SNX8: variants seen among roughly 807,000 people sequenced by gnomAD.
SNX8 encodes sorting nexin 8.
In SNX8, 25 loss-of-function variants were observed where a neutral mutation model predicts 51.6. The observed-to-expected ratio is 0.48, with a 90% CI of 0.35 to 0.68. SNX8 has a LOEUF of 0.68. SNX8 is among the 30% of genes least tolerant of loss of function. SNX8 has a pLI of 0.00. For missense variants in SNX8, 695 were observed against 624.0 expected (o/e 1.11, Z -1.21); for synonymous variants, 324 against 277.0 (o/e 1.17, Z -1.68).
chr7:2,296,970 T>C (rs762801058), intron 1 of SNX8, among the ~76,000 whole-genome samples: 2 of 151,774 alleles, frequency 1.3e-5, no homozygotes, highest in Non-Finnish European at 2.9e-5. Flanking sequence ...AAAAAATATA[T>C]GCAAAATGCT....
chr7:2,294,904 C>G (rs2115173517), intron 1 of SNX8, among the ~76,000 whole-genome samples: 1 of 152,218 alleles, frequency 6.6e-6, no homozygotes, highest in South Asian at 2.1e-4. Flanking sequence ...GTGGTGCACA[C>G]CTGTGGTCCC....
chr7:2,267,548 G>C (rs1414526775), intron 5 of SNX8, among the ~76,000 whole-genome samples: 1 of 134,078 alleles, frequency 7.5e-6, no homozygotes. Flanking sequence ...CCCTAACCGC[G>C]AGTGATCCGC....
chr7:2,329,450 T>A (rs891667996), intron 1 of SNX8, among the ~76,000 whole-genome samples: 21 of 152,178 alleles, frequency 1.4e-4, no homozygotes, highest in African/African-American at 5.1e-4. Flanking sequence ...ACGTTGTTTT[T>A]CGTGCGGGGG....
At chr7:2,276,642 TAAA>T (rs34590431) in intron 2 of SNX8, among the ~76,000 whole-genome samples, 11 of 128,412 alleles carry the variant, frequency 8.6e-5, no homozygotes, top group Non-Finnish European at 1.3e-4. Flanking sequence ...ATTTGTACTT[TAAA>T]AAAAAAAAAA....
At position 2,253,501 on chromosome 7, in the gene SNX8, G is replaced by A. The variant is rs1795095006; in HGVS notation, c.*1555C>T. 1 of 152,214 alleles carries A rather than the reference G, an allele frequency of 6.6e-6. No homozygotes were observed. The highest frequency in any genetic ancestry group is 2.4e-5 in the African/African-American group (1 of 41,418). The allele number at this position is 152,214 out of a possible 1,614,324, so 9.4% of individuals were successfully genotyped here. A position where few individuals can be genotyped will look rare whatever the true frequency, so the allele number is the denominator to read the frequency against. On this transcript the variant is annotated 3_prime_UTR_variant, in exon 11 of 11. Transcript: ENST00000222990. ...AGAAGGCAGCGCAGCCCAAGACTCGGGTGGACTAGGGACTCACGGGACAGC... is the reference window on the plus strand; with the variant it reads ...AGAAGGCAGCGCAGCCCAAGACTCGAGTGGACTAGGGACTCACGGGACAGC...
intron 1 of SNX8, among the ~76,000 whole-genome samples, chr7:2,289,046 A>G (rs964612447): frequency 3.3e-5 from 5 of 152,018 alleles, no homozygotes; most frequent in African/African-American, 1.2e-4. Flanking sequence ...TTGTTTTTAT[A>G]TTATGTAACC....
chr7:2,282,570 C>A (rs968729786), intron 1 of SNX8, among the ~76,000 whole-genome samples: 2 of 152,248 alleles, frequency 1.3e-5, no homozygotes, highest in African/African-American at 4.8e-5. Context: ...ATCTCCCGCC[C>A]AGTGTCTTTC....
At chr7:2,270,241 A>T (rs1417340130) in intron 4 of SNX8, among the ~76,000 whole-genome samples, 1 of 130,102 alleles carries the variant, frequency 7.7e-6, no homozygotes, top group African/African-American at 2.9e-5. Flanking sequence ...CCTAATATGC[A>T]GCTGTTTGCG....
intron 1 of SNX8, among the ~76,000 whole-genome samples, chr7:2,335,093 G>A (rs146173742): frequency 2.6e-4 from 39 of 151,962 alleles, no homozygotes; most frequent in African/African-American, 9.4e-4. Flanking sequence ...CTACTTGGGA[G>A]GCTGAGGCAG....
intron 1 of SNX8, among the ~76,000 whole-genome samples, chr7:2,351,463 T>C (rs1290279775): frequency 6.6e-6 from 1 of 151,832 alleles, no homozygotes. Flanking sequence ...AAGGTGAGCC[T>C]GTGAGACTGA....
chr7:2,264,461 G>C lies in SNX8; in HGVS notation c.622-3C>G. 6.2e-7 allele frequency: 1 copy of C among 1,608,978 alleles called. No individual in the cohort carries two copies. Among genetic ancestry groups the C allele is most frequent in the Non-Finnish European group, 8.5e-7 (1 of 1,179,060 alleles). ...TGGATGTCAGCTGGGAGGAAGTCCT[G>C]ACATCATGATGGGGGGAGAGACACT... On this transcript the variant is annotated splice_polypyrimidine_tract_variant and splice_region_variant and intron_variant, in intron 5 of 10. Coordinates refer to ENST00000222990, the MANE Select transcript of SNX8 (RefSeq NM_013321.4).
upstream of SNX8, among the ~76,000 whole-genome samples, chr7:2,317,519 C>T (rs1796776278): frequency 6.6e-6 from 1 of 151,734 alleles, no homozygotes; most frequent in African/African-American, 2.4e-5. Context: ...TCAAGTGATC[C>T]GCCCACCTTG....
At chr7:2,259,506 C>T (rs964955993) in intron 7 of SNX8, among the ~76,000 whole-genome samples, 1 of 152,164 alleles carries the variant, frequency 6.6e-6, no homozygotes, top group Non-Finnish European at 1.5e-5. Context: ...CGGGACACAG[C>T]CCTGGAATGG....
chr7:2,323,912 G>A (rs1052777198), intron 1 of SNX8, among the ~76,000 whole-genome samples: 1 of 151,940 alleles, frequency 6.6e-6, no homozygotes, highest in Non-Finnish European at 1.5e-5. Flanking sequence ...CTGAGATCAA[G>A]AGTTCGAGAC....
intron 1 of SNX8, among the ~76,000 whole-genome samples, chr7:2,322,620 G>C (rs1222195795): frequency 6.6e-6 from 1 of 152,142 alleles, no homozygotes; most frequent in Non-Finnish European, 1.5e-5. Flanking sequence ...CTTGAACCCA[G>C]GAGGTGGATG....
intron 4 of SNX8, among the ~76,000 whole-genome samples, chr7:2,270,018 C>A (rs1795605341): frequency 6.6e-6 from 1 of 152,174 alleles, no homozygotes; most frequent in Non-Finnish European, 1.5e-5. Flanking sequence ...ATACCTGAGA[C>A]CCTGGTAGCT....
chr7:2,263,438 C>A, intron 6 of SNX8, 76 bp from the exon 7 acceptor site: 4 of 1,422,480 alleles, frequency 2.8e-6, no homozygotes, highest in Admixed American at 4.3e-5. Flanking sequence ...GGCATCCCCC[C>A]CGACAGATGT....
chr7:2,285,084 C>T (rs1186527194), intron 1 of SNX8, among the ~76,000 whole-genome samples: 1 of 151,832 alleles, frequency 6.6e-6, no homozygotes, highest in Non-Finnish European at 1.5e-5. Flanking sequence ...TGGTGGCGGA[C>T]ACCTGTAGTC....
intron 1 of SNX8, chr7:2,299,251 A>C (rs916013737): frequency 6.6e-6 from 1 of 152,134 alleles, no homozygotes; most frequent in Non-Finnish European, 1.5e-5. Context: ...CACAAGCAGG[A>C]CATGGGAGAT....
Sources: gnomAD v4.1 joint callset for allele counts (sites outside exome capture counted in the v4.1 genomes callset) on GRCh38, gnomAD v4.1.1 for gene constraint, MANE v1.5 for transcripts, NCBI Gene and HGNC (gene_info 2026-07-23, HGNC 2026-07-21) for gene names.